HGSNAT: variants seen among roughly 807,000 people sequenced by gnomAD.
The protein encoded by HGSNAT is transmembrane protein 76.
Under a neutral mutation model 85.2 loss-of-function variants are expected in HGSNAT, and 59 were observed. That is an observed-to-expected ratio of 0.69 (90% CI 0.56 to 0.86). The LOEUF (loss-of-function observed/expected upper bound fraction) is 0.86. Ranked by LOEUF, HGSNAT falls within the 40% of genes least tolerant of loss-of-function variation. The probability of loss-of-function intolerance (pLI) is 0.00; values close to 1 mark genes in which losing one functional copy is unlikely to be tolerated. For synonymous variants in HGSNAT, 321 were observed against 304.5 expected (o/e 1.05, Z -0.56); for missense variants, 756 against 777.1 (o/e 0.97, Z 0.32).
At chr8:43,164,656 C>T (rs1459097802) in intron 5 of HGSNAT, among the ~76,000 whole-genome samples, 1 of 152,122 alleles carries the variant, frequency 6.6e-6, no homozygotes, top group Non-Finnish European at 1.5e-5. Context: ...CGGCGCACGC[C>T]TGTAATCCCA....
intron 14 of HGSNAT, 161 bp downstream of exon 14, chr8:43,194,004 T>TA: frequency 7.2e-7 from 1 of 1,384,312 alleles, no homozygotes; most frequent in Non-Finnish European, 9.4e-7. Flanking sequence ...AACCAAAAGT[T>TA]ACTGAAATTC....
At chr8:43,167,609 C>A (rs978057666) in intron 5 of HGSNAT, among the ~76,000 whole-genome samples, 3 of 152,084 alleles carry the variant, frequency 2.0e-5, no homozygotes, top group Non-Finnish European at 4.4e-5. Context: ...TACACTGGGT[C>A]ACAGAAAATT....
chr8:43,199,419 C>T lies in HGSNAT; in HGVS notation c.1758C>T (p.His586=), dbSNP rs1420418918. The part of the protein sequence containing the change: ...GMNSILVYVG[H]EVFENYFPFQ... ...ATTCCATTCTGGTATATGTCGGCCA[C>T]GAGGTGTTTGAGAACTACTTCCCCT... Residue 586 remains histidine (H), a synonymous_variant, in exon 18 of 18, where the codon CAC becomes CAT. Transcript: ENST00000379644. The T allele has an allele frequency of 4.4e-6, 7 of 1,606,894 alleles. No homozygotes were observed. Among genetic ancestry groups the T allele is most frequent in the East Asian group, 2.2e-5 (1 of 44,762 alleles).
At chr8:43,178,047 A>T (rs1461107772) in intron 9 of HGSNAT, 27 bp from the exon 10 acceptor site, 9 of 1,604,344 alleles carry the variant, frequency 5.6e-6, no homozygotes, top group Non-Finnish European at 7.7e-6. Flanking sequence ...GGAAATGGCC[A>T]CCTATTAATA....
chr8:43,184,650 A>T (rs911667854), intron 11 of HGSNAT, among the ~76,000 whole-genome samples: 2 of 152,082 alleles, frequency 1.3e-5, no homozygotes, highest in African/African-American at 2.4e-5. Flanking sequence ...GTTAGATCCC[A>T]TTTGTCAATT....
Position 43,178,233 on chromosome 8 carries a change from A to C in HGSNAT, c.1011A>C (p.Pro337=). 6.6e-7 allele frequency: 1 copy of C among 1,521,328 alleles called. No homozygotes were observed. The highest frequency in any genetic ancestry group is 2.3e-5 in the Admixed American group (1 of 44,108). 94.2% of individuals were successfully genotyped at this position (1,521,328 alleles called of 1,614,324 possible). The change falls in exon 10 of 18, where the codon CCA becomes CCC. Residue 337 remains proline, a splice_region_variant and synonymous_variant. Coordinates refer to ENST00000379644, the MANE Select transcript of HGSNAT (RefSeq NM_152419.3). ...IIVNPNYCLG[P]LSWDKVRIPG... The stretch of plus-strand genomic sequence containing the variant: ...TGAATCCCAATTATTGCCTTGGTCC[A>C]TGTAAGTACTTTTTCCCTCTGTTAT...
rs1199398569 is a variant in HGSNAT at position 43,169,238 on chromosome 8, A to G, written c.629A>G (p.Asn210Ser). The change falls in exon 6 of 18, where the codon AAT becomes AGT. Residue 210 changes from asparagine (N) to serine (S), a missense_variant. Transcript: ENST00000379644. Reference protein sequence around the residue: ...ISSRETDRLINSELGSPSRTD... With the variant: ...ISSRETDRLISSELGSPSRTD... The stretch of plus-strand genomic sequence containing the variant: ...TCTCGAGAAACTGATCGCCTCATCA[A>G]TTCTGTAAGTTATGAGATGCATAGT... 6 of 1,577,122 alleles carry G rather than the reference A, an allele frequency of 3.8e-6. No homozygotes were observed. Among genetic ancestry groups the G allele is most frequent in the South Asian group, 3.5e-5 (3 of 85,886 alleles).
chr8:43,145,753 A>G (rs1372425963), intron 1 of HGSNAT, among the ~76,000 whole-genome samples: 3 of 152,046 alleles, frequency 2.0e-5, no homozygotes, highest in African/African-American at 7.2e-5. Context: ...TCCATTTAAA[A>G]AAAAAAGAAA....
chr8:43,173,669 G>A (rs1803710377), intron 8 of HGSNAT, 44 bp from the exon 9 acceptor site: 2 of 1,602,290 alleles, frequency 1.2e-6, no homozygotes, highest in African/African-American at 1.3e-5. Flanking sequence ...GGAGGTATTT[G>A]TATTCTAGAG....
intron 5 of HGSNAT, among the ~76,000 whole-genome samples, chr8:43,164,026 C>T (rs756645891): frequency 2.6e-5 from 4 of 151,998 alleles, no homozygotes; most frequent in African/African-American, 4.8e-5. Context: ...GGCTATGTGA[C>T]GGTATTAAGG....
At chr8:43,181,100 A>C (rs1314689775) in intron 10 of HGSNAT, among the ~76,000 whole-genome samples, 3 of 268 alleles carry the variant, frequency 0.011, no homozygotes, top group Non-Finnish European at 0.12. Context: ...AGGGAGAGGG[A>C]GAGGGAGAGG....
chr8:43,193,324 A>G (rs1482378428), intron 13 of HGSNAT, among the ~76,000 whole-genome samples: 1 of 152,262 alleles, frequency 6.6e-6, no homozygotes, highest in Non-Finnish European at 1.5e-5. Context: ...TAATAAAAAA[A>G]GAAACATATT....
intron 2 of HGSNAT, among the ~76,000 whole-genome samples, chr8:43,153,976 T>C (rs995509750): frequency 1.3e-5 from 2 of 152,232 alleles, no homozygotes; most frequent in Non-Finnish European, 2.9e-5. Flanking sequence ...ATTCCATATC[T>C]TGGCTATTAT....
rs199725231 is a variant in HGSNAT at position 43,154,193 on chromosome 8, CT to C, written c.235-4373del. Among the ~76,000 whole-genome samples the C allele has an allele frequency of 6.1e-3, 933 of 151,708 alleles. 9 individuals carry two copies. The highest frequency in any genetic ancestry group is 9.9e-3 in the Non-Finnish European group (669 of 67,862). The stretch of plus-strand genomic sequence containing the variant: ...CTTGTAGCAAGATAGACTTGTATTA[CT>C]TTTTTTTTCTTTATTATACTTTCAG... On this transcript the variant is annotated intron_variant, in intron 2 of 17. Coordinates refer to ENST00000379644, the MANE Select transcript of HGSNAT (RefSeq NM_152419.3).
At chr8:43,174,018 C>G (rs1803725303) in intron 9 of HGSNAT, 2 of 239,136 alleles carry the variant, frequency 8.4e-6, no homozygotes, top group Non-Finnish European at 1.6e-5. Flanking sequence ...GAGTTCAAGA[C>G]CAGCCTGGCC....
At chr8:43,196,434 G>A (rs1309223895) in intron 14 of HGSNAT, 1 of 1,289,026 alleles carries the variant, frequency 7.8e-7, no homozygotes. Context: ...TCCTAGTGCT[G>A]CCCAGACTGG....
chr8:43,158,213 C>T (rs1039204300), intron 2 of HGSNAT, among the ~76,000 whole-genome samples: 5 of 152,178 alleles, frequency 3.3e-5, no homozygotes, highest in African/African-American at 1.2e-4. Flanking sequence ...ATTCTCCTGC[C>T]TCAGCCTCCC....
chr8:43,161,294 T>C (rs1450626939), intron 4 of HGSNAT, 144 bp from the exon 5 acceptor site: 1 of 618,978 alleles, frequency 1.6e-6, no homozygotes, highest in Admixed American at 2.9e-5. Context: ...TATCACTCCC[T>C]TCAGGGTGAG....
intron 1 of HGSNAT, among the ~76,000 whole-genome samples, chr8:43,141,288 A>AGCTGGGAAGCC (rs1802527184): frequency 2.6e-5 from 4 of 151,726 alleles, no homozygotes; most frequent in African/African-American, 9.7e-5. Context: ...GTGACTGGGA[A>AGCTGGGAAGCC]GCCGCCGCCG....
Sources: allele counts gnomAD v4.1 joint callset (sites outside exome capture counted in the v4.1 genomes callset), GRCh38; gene constraint gnomAD v4.1.1; transcripts MANE v1.5; gene names NCBI Gene and HGNC (gene_info 2026-07-23, HGNC 2026-07-21).